SERBP1: variants seen among roughly 807,000 people sequenced by gnomAD.
SERBP1 encodes SERPINE1 mRNA-binding protein 1.
In SERBP1, 6 loss-of-function variants were observed where a neutral mutation model predicts 50.2. The ratio of observed to expected loss-of-function variants is 0.12; its 90% CI spans 0.07 to 0.24. SERBP1 has a LOEUF of 0.24. SERBP1 is among the 10% of genes least tolerant of loss of function. The pLI is 1.00. For synonymous variants in SERBP1, 168 were observed against 182.8 expected, an observed-to-expected ratio of 0.92 and a Z score of 0.65; for missense variants, 346 against 524.9, an observed-to-expected ratio of 0.66 and a Z score of 3.33.
intron 1 of SERBP1, among the ~76,000 whole-genome samples, chr1:67,427,606 A>T (rs1667429991): frequency 6.6e-6 from 1 of 152,196 alleles, no homozygotes; most frequent in Non-Finnish European, 1.5e-5. Flanking sequence ...CCTTACACCA[A>T]GGTATTTAAA....
At position 67,410,897 on chromosome 1, in the gene SERBP1, T is replaced by G. The variant is rs1378129826; in HGVS notation, c.*2310A>C. 1.3e-5 allele frequency: 2 copies of G among 152,128 alleles called. No individual in the cohort carries two copies. The highest frequency in any genetic ancestry group is 2.4e-5 in the African/African-American group (1 of 41,440). The allele number at this position is 152,128 out of a possible 1,614,324, so 9.4% of individuals were successfully genotyped here. A position where few individuals can be genotyped will look rare whatever the true frequency, so the allele number is the denominator to read the frequency against. ...CATTAAGATAAGTACCCTTCCCAAA[T>G]GTGATTCAACAGCCTGGTTTTTAGC... On this transcript the variant is annotated 3_prime_UTR_variant, in exon 8 of 8. Transcript: ENST00000361219.
intron 7 of SERBP1, 92 bp from the exon 8 acceptor site, chr1:67,413,355 A>C (rs1433889866): frequency 8.0e-5 from 98 of 1,219,576 alleles, no homozygotes; most frequent in Non-Finnish European, 1.1e-4. Flanking sequence ...ACTCTAAAAA[A>C]ATCTTACTGT....
intron 5 of SERBP1, among the ~76,000 whole-genome samples, chr1:67,422,949 G>C (rs866790394): frequency 7.0e-6 from 1 of 143,640 alleles, no homozygotes; most frequent in Non-Finnish European, 1.5e-5. Context: ...GCAACAGAGC[G>C]AGAATGTCTC....
intron 6 of SERBP1, among the ~76,000 whole-genome samples, 158 bp from the exon 7 acceptor site, chr1:67,415,497 G>A (rs988553880): frequency 6.6e-6 from 1 of 152,224 alleles, no homozygotes; most frequent in Non-Finnish European, 1.5e-5. Context: ...CTAGGGCTCA[G>A]CTTTAGTGAT....
At position 67,424,824 on chromosome 1, in the gene SERBP1, T is replaced by C. The variant is rs180972298; in HGVS notation, c.695+64A>G. On this transcript the variant is annotated intron_variant, in intron 4 of 7. Transcript: ENST00000361219. Reference sequence around the variant, plus strand: ...TTCTTATCTCAGAGACAAGTAAAATTTGACAGAGGTATGGATTAACCTCTA... The same window carrying C: ...TTCTTATCTCAGAGACAAGTAAAATCTGACAGAGGTATGGATTAACCTCTA... The C allele has an allele frequency of 4.7e-4, 569 of 1,221,806 alleles. No individual in the cohort carries two copies. In the African/African-American group the frequency reaches 7.6e-3, roughly 16 times the overall value. The allele number at this position is 1,221,806 out of a possible 1,614,324, so 75.7% of individuals were successfully genotyped here. A position where few individuals can be genotyped will look rare whatever the true frequency, so the allele number is the denominator to read the frequency against.
chr1:67,422,613 C>A (rs1290061462), intron 5 of SERBP1, among the ~76,000 whole-genome samples: 1 of 151,000 alleles, frequency 6.6e-6, no homozygotes, highest in East Asian at 1.9e-4. Context: ...TCCTAAATAA[C>A]CTGTAATCCA....
chr1:67,415,099 C>T (rs1666959068), intron 7 of SERBP1, 67 bp downstream of exon 7: 2 of 1,467,196 alleles, frequency 1.4e-6, no homozygotes, highest in Non-Finnish European at 1.8e-6. Context: ...TGACATAAGT[C>T]TGACCCAGCC....
intron 5 of SERBP1, chr1:67,420,572 T>C: frequency 1.2e-5 from 2 of 160,824 alleles, no homozygotes; most frequent in South Asian, 3.7e-4. Flanking sequence ...ATTTCCATAA[T>C]TCCCACAATA....
Position 67,410,677 on chromosome 1 carries a change from T to C in SERBP1, c.*2530A>G, listed in dbSNP as rs945950364. On this transcript the variant is annotated 3_prime_UTR_variant, in exon 8 of 8. Transcript: ENST00000361219. ...GAAACATCAGCTGCCACCATTACTTTAGGAATCTTTATCTGTTTAGGGATT... is the reference window on the plus strand; with the variant it reads ...GAAACATCAGCTGCCACCATTACTTCAGGAATCTTTATCTGTTTAGGGATT... 15 of 152,322 alleles carry C rather than the reference T, an allele frequency of 9.8e-5. No individual in the cohort carries two copies. In the East Asian group the frequency reaches 2.7e-3, roughly 27 times the overall value. 9.4% of individuals were successfully genotyped at this position (152,322 alleles called of 1,614,324 possible).
At chr1:67,422,360 A>G (rs1282043204) in intron 5 of SERBP1, among the ~76,000 whole-genome samples, 1 of 152,020 alleles carries the variant, frequency 6.6e-6, no homozygotes, top group Non-Finnish European at 1.5e-5. Context: ...AAAAATACAA[A>G]ATTAGCCGGG....
chr1:67,421,630 A>AT (rs1201444869), intron 5 of SERBP1, among the ~76,000 whole-genome samples: 1 of 152,240 alleles, frequency 6.6e-6, no homozygotes, highest in East Asian at 1.9e-4. Context: ...TAATCTTTGC[A>AT]TATCACTGAG....
chr1:67,415,059 T>C, intron 7 of SERBP1, 107 bp downstream of exon 7: 1 of 1,248,200 alleles, frequency 8.0e-7, no homozygotes, highest in Non-Finnish European at 1.1e-6. Flanking sequence ...TTAAAGACAC[T>C]GCTACTACTT....
intron 1 of SERBP1, 82 bp downstream of exon 1, chr1:67,429,906 G>C: frequency 7.0e-7 from 1 of 1,420,258 alleles, no homozygotes; most frequent in Non-Finnish European, 9.5e-7. Context: ...GACCCTCGGA[G>C]CTCCAGAAAC....
At chr1:67,423,110 C>T (rs1197188929) in intron 5 of SERBP1, among the ~76,000 whole-genome samples, 2 of 147,050 alleles carry the variant, frequency 1.4e-5, no homozygotes, top group Admixed American at 6.8e-5. Flanking sequence ...GTCAGGAGTT[C>T]GAGACCAGCC....
In SERBP1 at chr1:67,410,400, A is replaced by C. The variant is rs1206984872; in HGVS notation, c.*2807T>G. The C allele has an allele frequency of 1.3e-5, 2 of 151,930 alleles. No individual in the cohort carries two copies. Among genetic ancestry groups the C allele is most frequent in the African/African-American group, 4.9e-5 (2 of 41,216 alleles). 9.4% of individuals were successfully genotyped at this position (151,930 alleles called of 1,614,324 possible). A position where few individuals can be genotyped will look rare whatever the true frequency, so the allele number is the denominator to read the frequency against. On this transcript the variant is annotated 3_prime_UTR_variant, in exon 8 of 8. Coordinates refer to ENST00000361219, the MANE Select transcript of SERBP1 (RefSeq NM_001018069.2). The stretch of plus-strand genomic sequence containing the variant: ...AATATCCTCCTTTTAAATCCATACC[A>C]AAAACAAGCCCCAAATATATTTACA...
In SERBP1 at chr1:67,410,588, A is replaced by T. The variant is rs1666803723; in HGVS notation, c.*2619T>A. On this transcript the variant is annotated 3_prime_UTR_variant, in exon 8 of 8. Coordinates refer to ENST00000361219, the MANE Select transcript of SERBP1 (RefSeq NM_001018069.2). ...CAATCATTTCAATACAAGCTGTAAA[A>T]ATGCCTTAAAAATCTCAGGTCTGGC... is the stretch of plus-strand genomic sequence containing the variant. 6.6e-6 allele frequency: 1 copy of T among 152,198 alleles called. No individual in the cohort carries two copies. The highest frequency in any genetic ancestry group is 1.5e-5 in the Non-Finnish European group (1 of 68,024). 9.4% of individuals were successfully genotyped at this position (152,198 alleles called of 1,614,324 possible).
At position 67,410,553 on chromosome 1, in the gene SERBP1, A is replaced by G. The variant is rs1557497098; in HGVS notation, c.*2654T>C. ...AGGTCTCAAAATAGCTAATAAAGAAACCATGTCTCCAATCATTTCAATACA... is the reference window on the plus strand; with the variant it reads ...AGGTCTCAAAATAGCTAATAAAGAAGCCATGTCTCCAATCATTTCAATACA... On this transcript the variant is annotated 3_prime_UTR_variant, in exon 8 of 8. Transcript: ENST00000361219. 6.6e-6 allele frequency: 1 copy of G among 152,164 alleles called. No individual in the cohort carries two copies. The highest frequency in any genetic ancestry group is 1.9e-4 in the East Asian group (1 of 5,196). 9.4% of individuals were successfully genotyped at this position (152,164 alleles called of 1,614,324 possible).
chr1:67,425,012 T>C, intron 3 of SERBP1, 35 bp from the exon 4 acceptor site: 1 of 1,603,608 alleles, frequency 6.2e-7, no homozygotes, highest in South Asian at 1.1e-5. Context: ...ACTCTTTAGT[T>C]CTAGAAATTC....
At chr1:67,425,512 A>T (rs935576015) in intron 2 of SERBP1, among the ~76,000 whole-genome samples, 1 of 152,256 alleles carries the variant, frequency 6.6e-6, no homozygotes, top group African/African-American at 2.4e-5. Flanking sequence ...ACTATTTACC[A>T]ATACACTTAA....
Sources: gnomAD v4.1 joint callset for allele counts (sites outside exome capture counted in the v4.1 genomes callset) on GRCh38, gnomAD v4.1.1 for gene constraint, MANE v1.5 for transcripts, NCBI Gene and HGNC (gene_info 2026-07-23, HGNC 2026-07-21) for gene names.